FREM1: variants seen among roughly 807,000 people sequenced by gnomAD.
FREM1 encodes the protein FRAS1-related extracellular matrix protein 1.
In FREM1, 220 loss-of-function variants were observed where a neutral mutation model predicts 210.1. The observed-to-expected ratio is 1.05, with a 90% confidence interval of 0.94 to 1.17. The LOEUF is 1.17. FREM1 is among the 50% of genes most tolerant of loss of function. The pLI, the probability that FREM1 is intolerant of heterozygous loss-of-function variation, is 0.00. For missense variants in FREM1, 3,454 were observed against 2,675.5 expected (o/e 1.29, Z -6.42); for synonymous variants, 1,189 against 980.2 (o/e 1.21, Z -3.98).
intron 34 of FREM1, 84 bp from the exon 35 acceptor site, chr9:14,746,552 T>C (rs1842473198): frequency 7.7e-6 from 8 of 1,036,810 alleles, no homozygotes; most frequent in South Asian, 1.3e-5. Context: ...ACGAGTTCCC[T>C]AACTTCAGTC....
intron 25 of FREM1, among the ~76,000 whole-genome samples, chr9:14,775,432 G>C (rs924364908): frequency 6.6e-6 from 1 of 152,086 alleles, no homozygotes; most frequent in East Asian, 1.9e-4. Context: ...TTGGCCAGGC[G>C]TGATAGCTCA....
chr9:14,819,574 G>T, intron 13 of FREM1, 132 bp from the exon 14 acceptor site: 1 of 597,926 alleles, frequency 1.7e-6, no homozygotes, highest in Non-Finnish European at 2.9e-6. Flanking sequence ...TGTGGTAAGA[G>T]GATAAGTTCA....
At chr9:14,774,229 T>C (rs1319333860) in intron 25 of FREM1, 1 of 505,136 alleles carries the variant, frequency 2.0e-6, no homozygotes, top group African/African-American at 2.0e-5. Context: ...GTGTCAACTT[T>C]GCAGGGTGTG....
In FREM1 at chr9:14,847,400, A is replaced by AGAAGGAAGGAAGGAAGGAAG. The variant is rs1348075386; in HGVS notation, c.1261+1245_1261+1264dup. Among the ~76,000 whole-genome samples, 170 of 34,860 alleles carry AGAAGGAAGGAAGGAAGGAAG rather than the reference A, an allele frequency of 4.9e-3. 19 individuals carry two copies. Among genetic ancestry groups the AGAAGGAAGGAAGGAAGGAAG allele is most frequent in the Admixed American group, 0.016 (52 of 3,332 alleles). 22.9% of individuals were successfully genotyped at this position (34,860 alleles called of 152,430 possible). ...ATATAAAGGAGAGGGAGAGAGAAAA[A>AGAAGGAAGGAAGGAAGGAAG]GAAGGAAGGAAGGAAGGAAGGAAGG... On this transcript the variant is annotated intron_variant, in intron 7 of 36. Coordinates refer to ENST00000380880, the MANE Select transcript of FREM1 (RefSeq NM_001379081.2).
At chr9:14,816,010 C>T (rs887679143) in intron 15 of FREM1, among the ~76,000 whole-genome samples, 2 of 152,038 alleles carry the variant, frequency 1.3e-5, no homozygotes, top group African/African-American at 4.8e-5. Flanking sequence ...ATTAAATCCT[C>T]ATGCTAGGAC....
At chr9:14,738,958 C>T (rs1159955454) in intron 36 of FREM1, among the ~76,000 whole-genome samples, 1 of 119,188 alleles carries the variant, frequency 8.4e-6, no homozygotes, top group Non-Finnish European at 1.6e-5. Flanking sequence ...TGCAGTGAGC[C>T]AAGATTGCAC....
At chr9:14,796,553 A>G (rs542644612) in intron 21 of FREM1, among the ~76,000 whole-genome samples, 1 of 152,166 alleles carries the variant, frequency 6.6e-6, no homozygotes, top group Admixed American at 6.5e-5. Context: ...TCCTCACCCA[A>G]ATCTCATCTT....
chr9:14,778,838 T>C (rs1403240677), intron 24 of FREM1, among the ~76,000 whole-genome samples: 1 of 148,598 alleles, frequency 6.7e-6, no homozygotes, highest in Non-Finnish European at 1.5e-5. Context: ...AGCTCAGGAG[T>C]TTGAGACCAG....
At chr9:14,844,413 T>G (rs141723270) in intron 8 of FREM1, among the ~76,000 whole-genome samples, 1 of 152,010 alleles carries the variant, frequency 6.6e-6, no homozygotes, top group Non-Finnish European at 1.5e-5. Context: ...TTAGTAGAGA[T>G]GGGGTTTCAC....
chr9:14,867,313 C>CA (rs1831708230), intron 2 of FREM1, among the ~76,000 whole-genome samples: 1 of 152,166 alleles, frequency 6.6e-6, no homozygotes, highest in African/African-American at 2.4e-5. Flanking sequence ...AAGTGCCAAT[C>CA]AAAACACATT....
At chr9:14,801,114 C>G (rs1321876309) in intron 20 of FREM1, among the ~76,000 whole-genome samples, 2 of 152,184 alleles carry the variant, frequency 1.3e-5, no homozygotes, top group African/African-American at 4.8e-5. Context: ...TTTCGTGCCT[C>G]AGCCTCCTGA....
intron 1 of FREM1, among the ~76,000 whole-genome samples, chr9:14,894,573 T>C (rs1283174706): frequency 6.6e-6 from 1 of 152,254 alleles, no homozygotes; most frequent in Admixed American, 6.5e-5. Flanking sequence ...AGGAGTTAAC[T>C]GCATGGACTG....
At chr9:14,766,013 C>A (rs1423672426) in intron 27 of FREM1, among the ~76,000 whole-genome samples, 1 of 152,082 alleles carries the variant, frequency 6.6e-6, no homozygotes, top group Non-Finnish European at 1.5e-5. Flanking sequence ...CTTGGAGATT[C>A]AACTTGGACT....
At chr9:14,775,606 G>A (rs1848410058) in intron 25 of FREM1, among the ~76,000 whole-genome samples, 183 bp downstream of exon 25, 1 of 151,256 alleles carries the variant, frequency 6.6e-6, no homozygotes, top group African/African-American at 2.4e-5. Flanking sequence ...TACTCAGGAG[G>A]CTGAGGCAGG....
chr9:14,827,721 A>G (rs895034487), intron 10 of FREM1, among the ~76,000 whole-genome samples: 1 of 152,230 alleles, frequency 6.6e-6, no homozygotes, highest in Non-Finnish European at 1.5e-5. Context: ...TCAGGCCACC[A>G]TTCCCATCAC....
intron 35 of FREM1, 113 bp from the exon 36 acceptor site, chr9:14,740,347 T>TA (rs1342329957): frequency 2.6e-6 from 2 of 756,148 alleles, no homozygotes; most frequent in South Asian, 1.7e-5. Context: ...AGTAGGTCTT[T>TA]AAAAAAACTT....
At chr9:14,907,119 T>C (rs914250192) in intron 1 of FREM1, among the ~76,000 whole-genome samples, 3 of 152,176 alleles carry the variant, frequency 2.0e-5, no homozygotes, top group Admixed American at 1.3e-4. Context: ...AGAACATTTG[T>C]TTAAAAATAT....
intron 34 of FREM1, 144 bp downstream of exon 34, chr9:14,746,779 T>C (rs770661985): frequency 6.4e-5 from 64 of 1,002,440 alleles, no homozygotes; most frequent in Non-Finnish European, 8.0e-5. Context: ...CTTTGGGCCA[T>C]TTTTTCCTCT....
chr9:14,836,928 G>A lies in FREM1; in HGVS notation c.1881+4519C>T, dbSNP rs1265157468. The stretch of plus-strand genomic sequence containing the variant: ...AGAAATTATTTTATGCAGATAGAGA[G>A]GAAAAGGGGTCCTTGGGTAGTTTTC... On this transcript the variant is annotated intron_variant, in intron 10 of 36. Transcript: ENST00000380880. This position sits in a 1 kb window ranked among gnomAD's most constrained non-coding sequence, Gnocchi z 4.9. 3.3e-5 allele frequency among the ~76,000 whole-genome samples: 5 copies of A among 152,160 alleles called. No individual in the cohort carries two copies. The highest frequency in any genetic ancestry group is 5.9e-5 in the Non-Finnish European group (4 of 68,038).
Sources: allele counts gnomAD v4.1 joint callset (sites outside exome capture counted in the v4.1 genomes callset), GRCh38; gene constraint gnomAD v4.1.1; non-coding constraint Gnocchi (gnomAD v3.1); transcripts MANE v1.5; gene names NCBI Gene and HGNC (gene_info 2026-07-23, HGNC 2026-07-21).